NT5C2: variants seen among roughly 807,000 people sequenced by gnomAD.
The protein encoded by NT5C2 is 5'-nucleotidase, cytosolic II.
NT5C2 carries 58 observed loss-of-function variants against 76.1 expected under a neutral mutation model. That is an observed-to-expected ratio of 0.76 (90% CI 0.62 to 0.95). The LOEUF (loss-of-function observed/expected upper bound fraction) is 0.95, where lower values mean the gene tolerates loss of function less well. Among genes scored for constraint, NT5C2 ranks in the 40% least tolerant of loss-of-function variants. The pLI, the probability that NT5C2 is intolerant of heterozygous loss-of-function variation, is 0.00. For missense variants in NT5C2, 478 were observed against 690.3 expected (o/e 0.69, Z 3.45); for synonymous variants, 229 against 237.4 (o/e 0.96, Z 0.32).
intron 3 of NT5C2, among the ~76,000 whole-genome samples, chr10:103,142,683 AAAG>A (rs1591409405): frequency 6.6e-6 from 1 of 151,332 alleles, no homozygotes; most frequent in East Asian, 2.0e-4. Context: ...GAAAAAAAAG[AAAG>A]AAGAAAAGAA....
At chr10:103,120,266 A>C (rs1423923661) in intron 4 of NT5C2, among the ~76,000 whole-genome samples, 1 of 152,182 alleles carries the variant, frequency 6.6e-6, no homozygotes, top group African/African-American at 2.4e-5. Flanking sequence ...CACTGGCAAC[A>C]AAAGAAAAAA....
intron 12 of NT5C2, among the ~76,000 whole-genome samples, chr10:103,094,791 A>T (rs1205391310): frequency 6.6e-6 from 1 of 151,764 alleles, no homozygotes; most frequent in African/African-American, 2.4e-5. Context: ...CTGAGGCTCG[A>T]GAATCGCTTG....
In NT5C2 at chr10:103,091,496, A is replaced by G. The variant is rs371065073; in HGVS notation, c.1211+68T>C. ...AAATAGCTGGGATTACTGGCCTGGA[A>G]AGAACATTTCTTATATCTAAGTGAT... On this transcript the variant is annotated intron_variant, in intron 16 of 18. Coordinates refer to ENST00000404739, the MANE Select transcript of NT5C2 (RefSeq NM_001351169.2). 7.3e-5 allele frequency: 92 copies of G among 1,252,328 alleles called. No homozygotes were observed. In the East Asian group the frequency reaches 8.6e-4, roughly 12 times the overall value. 77.6% of individuals were successfully genotyped at this position (1,252,328 alleles called of 1,614,324 possible). A position where few individuals can be genotyped will look rare whatever the true frequency, so the allele number is the denominator to read the frequency against.
chr10:103,169,337 C>T (rs907831159), intron 3 of NT5C2: 14 of 152,232 alleles, frequency 9.2e-5, no homozygotes, highest in Admixed American at 4.6e-4. Flanking sequence ...ATTTTAAACA[C>T]GGGGCATGGT....
At chr10:103,106,033 G>T (rs1169406865) in intron 5 of NT5C2, among the ~76,000 whole-genome samples, 2 of 152,152 alleles carry the variant, frequency 1.3e-5, no homozygotes, top group African/African-American at 4.8e-5. Context: ...TAAGGAATAA[G>T]TGCTTAATCA....
intron 3 of NT5C2, among the ~76,000 whole-genome samples, chr10:103,162,016 T>A (rs911896677): frequency 6.6e-6 from 1 of 152,096 alleles, no homozygotes; most frequent in East Asian, 1.9e-4. Context: ...AAATTATAAT[T>A]CAATTGTTTG....
chr10:103,170,772 C>G (rs2087755888), intron 3 of NT5C2, among the ~76,000 whole-genome samples: 1 of 152,022 alleles, frequency 6.6e-6, no homozygotes, highest in Non-Finnish European at 1.5e-5. Flanking sequence ...AGGACTCCGC[C>G]TGGCTCGGCC....
chr10:103,161,870 G>A (rs1024599813), intron 3 of NT5C2, among the ~76,000 whole-genome samples: 22 of 152,164 alleles, frequency 1.4e-4, no homozygotes, highest in African/African-American at 2.4e-5. Context: ...TGGCTGACAC[G>A]GGCTGGAGAG....
intron 4 of NT5C2, among the ~76,000 whole-genome samples, chr10:103,136,949 G>A (rs778744997): frequency 1.1e-4 from 16 of 152,040 alleles, no homozygotes; most frequent in South Asian, 6.2e-4. Flanking sequence ...CAATATACAA[G>A]ATAGTTTATT....
Position 103,172,947 on chromosome 10 carries a change from A to G in NT5C2, c.101+1911T>C, listed in dbSNP as rs540156385. 4.6e-5 allele frequency among the ~76,000 whole-genome samples: 7 copies of G among 152,226 alleles called. No homozygotes were observed. The South Asian group carries it at 8.3e-4, about 18-fold the overall frequency. On this transcript the variant is annotated intron_variant, in intron 3 of 18. Coordinates refer to ENST00000404739, the MANE Select transcript of NT5C2 (RefSeq NM_001351169.2). The stretch of plus-strand genomic sequence containing the variant: ...TGCTTGAACCCAGGAGGTGGAGATT[A>G]CAGTGAGCCGAGATCAAGCCACTGG...
intron 6 of NT5C2, among the ~76,000 whole-genome samples, chr10:103,105,067 ATAG>A (rs773182750): frequency 6.6e-6 from 1 of 152,226 alleles, no homozygotes; most frequent in African/African-American, 2.4e-5. Flanking sequence ...TCACAAAAAA[ATAG>A]TAGATACTAA....
chr10:103,167,717 G>A (rs1026992900), intron 3 of NT5C2, among the ~76,000 whole-genome samples: 13 of 151,738 alleles, frequency 8.6e-5, no homozygotes, highest in Admixed American at 7.9e-4. Flanking sequence ...CTGCAGCCTT[G>A]ACCTCCCAGG....
chr10:103,102,155 A>T (rs2069877845), intron 6 of NT5C2, among the ~76,000 whole-genome samples: 1 of 152,140 alleles, frequency 6.6e-6, no homozygotes, highest in South Asian at 2.1e-4. Flanking sequence ...TCTCTTTGTG[A>T]TGCAATTTTG....
At chr10:103,161,150 T>C (rs1378039141) in intron 3 of NT5C2, among the ~76,000 whole-genome samples, 1 of 152,208 alleles carries the variant, frequency 6.6e-6, no homozygotes, top group Non-Finnish European at 1.5e-5. Flanking sequence ...AACAGATGAA[T>C]GGAAAAACAA....
chr10:103,105,365 G>A, intron 6 of NT5C2: 1 of 953,150 alleles, frequency 1.0e-6, no homozygotes, highest in Non-Finnish European at 1.4e-6. Flanking sequence ...TACCTCTTCT[G>A]AACAGCTACC....
At chr10:103,098,546 G>C (rs1318233637) in intron 10 of NT5C2, 3 of 189,404 alleles carry the variant, frequency 1.6e-5, no homozygotes, top group African/African-American at 7.2e-5. Context: ...ATAAAACAGA[G>C]GCAACAATAA....
intron 4 of NT5C2, among the ~76,000 whole-genome samples, chr10:103,134,041 G>A (rs1193229764): frequency 6.6e-6 from 1 of 152,206 alleles, no homozygotes; most frequent in Non-Finnish European, 1.5e-5. Flanking sequence ...TGACTTGGAT[G>A]CTGTTAAAGT....
chr10:103,179,767 ATC>A (rs1264840258), intron 2 of NT5C2, among the ~76,000 whole-genome samples: 6 of 152,174 alleles, frequency 3.9e-5, no homozygotes, highest in Non-Finnish European at 7.3e-5. Flanking sequence ...CATCATATTA[ATC>A]TGTTTTGCAT....
intron 4 of NT5C2, among the ~76,000 whole-genome samples, chr10:103,137,489 A>G (rs1042117963): frequency 6.6e-6 from 1 of 152,064 alleles, no homozygotes; most frequent in African/African-American, 2.4e-5. Flanking sequence ...GTACTCCCGT[A>G]ATTTCGTGTT....
Sources: gnomAD v4.1 joint callset for allele counts (sites outside exome capture counted in the v4.1 genomes callset) on GRCh38, gnomAD v4.1.1 for gene constraint, MANE v1.5 for transcripts, NCBI Gene and HGNC (gene_info 2026-07-23, HGNC 2026-07-21) for gene names.